Variants in EBF2 observed in about 807,000 individuals in gnomAD.
EBF2 encodes the protein transcription factor COE2.
A neutral mutation model predicts 72.8 loss-of-function variants in EBF2; 21 were observed. The observed-to-expected ratio is 0.29, with a 90% CI of 0.20 to 0.42. The LOEUF is 0.42. EBF2 is among the 10% of genes least tolerant of loss of function. The pLI is 1.00. For synonymous variants in EBF2, 299 were observed against 274.2 expected, an observed-to-expected ratio of 1.09 and a Z score of -0.89; for missense variants, 637 against 731.2, an observed-to-expected ratio of 0.87 and a Z score of 1.49.
In EBF2 at chr8:26,042,095, T is replaced by C. The variant is rs751091356; in HGVS notation, c.288A>G (p.Lys96=). The change falls in exon 2 of 16, where the codon AAA becomes AAG. Residue 96 remains lysine, a splice_region_variant and synonymous_variant. Coordinates refer to ENST00000520164, the MANE Select transcript of EBF2 (RefSeq NM_022659.4). ...TAFVDFVEND[K]EQGNEKTNNG... ...GGTTTGGGGGGTACTTTCCGCTTAC[T>C]TTGTCATTCTCCACAAAGTCCACGA... The C allele has an allele frequency of 6.2e-7, 1 of 1,613,442 alleles. No homozygotes were observed. Among genetic ancestry groups the C allele is most frequent in the Non-Finnish European group, 8.5e-7 (1 of 1,179,458 alleles).
chr8:26,029,825 G>A (rs1483293301), intron 6 of EBF2, among the ~76,000 whole-genome samples: 2 of 152,206 alleles, frequency 1.3e-5, no homozygotes, highest in Non-Finnish European at 2.9e-5. Flanking sequence ...GATGGACGCA[G>A]AGACCAGACG....
At position 26,036,089 on chromosome 8, in the gene EBF2, C is replaced by T. The variant is rs1199651328; in HGVS notation, c.483-2936G>A. 3.9e-5 allele frequency among the ~76,000 whole-genome samples: 6 copies of T among 152,262 alleles called. No homozygotes were observed. In the East Asian group the frequency reaches 5.8e-4, roughly 15 times the overall value. On this transcript the variant is annotated intron_variant, in intron 5 of 15. Coordinates refer to ENST00000520164, the MANE Select transcript of EBF2 (RefSeq NM_022659.4). ...CTAACCCCAAATATGTGTGCAATGC[C>T]GGGTACAATTTAATTACAAGAGCAC... is the stretch of plus-strand genomic sequence containing the variant.
chr8:26,040,289 G>A (rs999672745), intron 4 of EBF2, among the ~76,000 whole-genome samples, 188 bp from the exon 5 acceptor site: 2 of 152,172 alleles, frequency 1.3e-5, no homozygotes, highest in African/African-American at 4.8e-5. Context: ...AGAGAAGTTT[G>A]CCCCAGTGAG....
chr8:25,862,225 A>G (rs1026139344), intron 11 of EBF2, among the ~76,000 whole-genome samples: 5 of 152,222 alleles, frequency 3.3e-5, no homozygotes, highest in African/African-American at 1.2e-4. Context: ...CAAATTCATA[A>G]AGTAATTTTC....
Position 25,978,851 on chromosome 8 carries a change from C to T in EBF2, c.551+54234G>A, listed in dbSNP as rs74998529. Among the ~76,000 whole-genome samples the T allele has an allele frequency of 6.1e-4, 93 of 152,266 alleles. 2 individuals are homozygous for T. In the East Asian group the frequency reaches 0.016, roughly 27 times the overall value. On this transcript the variant is annotated intron_variant, in intron 6 of 15. Transcript: ENST00000520164. ...TGCGGTAATGAAAGCTTGTAAAAGA[C>T]GATGCCAAAGACGTGCATTATGACA...
chr8:26,005,287 T>TTA (rs1563205570), intron 6 of EBF2, among the ~76,000 whole-genome samples: 1 of 8,182 alleles, frequency 1.2e-4, no homozygotes, highest in Admixed American at 3.2e-3. Flanking sequence ...AATTATATAA[T>TTA]TATATAATTA....
Position 26,034,702 on chromosome 8 carries a change from G to A in EBF2, c.483-1549C>T, listed in dbSNP as rs149015554. Among the ~76,000 whole-genome samples, 464 of 152,278 alleles carry A rather than the reference G, an allele frequency of 3.0e-3. 3 individuals carry two copies. The highest frequency in any genetic ancestry group is 0.01 in the African/African-American group (417 of 41,562). On this transcript the variant is annotated intron_variant, in intron 5 of 15. Transcript: ENST00000520164. Reference sequence around the variant, plus strand: ...CATGGTCCACTATCAACTATAGTTGGCTAAGGATGTAGCCTTGACATGGCT... The same window carrying A: ...CATGGTCCACTATCAACTATAGTTGACTAAGGATGTAGCCTTGACATGGCT...
rs554316410 is a variant in EBF2, at chr8:25,902,812, G to A, written c.633+5662C>T. 7.9e-5 allele frequency among the ~76,000 whole-genome samples: 12 copies of A among 152,320 alleles called. No individual in the cohort carries two copies. The South Asian group carries it at 1.9e-3, about 24-fold the overall frequency. ...ACATTCAGCTGTAGCCTTAAAGCAT[G>A]AAAAGGAGTCACAAGTTGGAGAGGG... On this transcript the variant is annotated intron_variant, in intron 7 of 15. Transcript: ENST00000520164.
chr8:25,937,121 A>C (rs1803592774), intron 6 of EBF2, among the ~76,000 whole-genome samples: 1 of 152,214 alleles, frequency 6.6e-6, no homozygotes, highest in Non-Finnish European at 1.5e-5. Context: ...AGATGTCAGA[A>C]GGTATAAGAA....
At chr8:25,959,792 G>C (rs907812898) in intron 6 of EBF2, among the ~76,000 whole-genome samples, 5 of 151,580 alleles carry the variant, frequency 3.3e-5, no homozygotes, top group African/African-American at 1.2e-4. Flanking sequence ...TGCAAAACAT[G>C]GCATCCAAAA....
intron 6 of EBF2, among the ~76,000 whole-genome samples, chr8:25,985,189 G>C (rs538256283): frequency 2.1e-4 from 32 of 152,284 alleles, no homozygotes; most frequent in African/African-American, 7.5e-4. Flanking sequence ...CATGCAGCTA[G>C]ACCTCCCCTC....
chr8:25,903,317 A>T (rs1339853636), intron 7 of EBF2, among the ~76,000 whole-genome samples: 1 of 151,420 alleles, frequency 6.6e-6, no homozygotes, highest in Non-Finnish European at 1.5e-5. Flanking sequence ...TACAGGCATG[A>T]GCCACTGTGC....
chr8:25,894,715 G>A (rs1802838854), intron 7 of EBF2, among the ~76,000 whole-genome samples: 1 of 152,094 alleles, frequency 6.6e-6, no homozygotes, highest in African/African-American at 2.4e-5. Context: ...AACAAATCAA[G>A]GTCAACATTT....
intron 14 of EBF2, among the ~76,000 whole-genome samples, chr8:25,854,665 T>G (rs1802048834): frequency 6.6e-6 from 1 of 152,214 alleles, no homozygotes; most frequent in African/African-American, 2.4e-5. Context: ...ATAGGCTTTT[T>G]TTTTCTTTTC....
intron 6 of EBF2, among the ~76,000 whole-genome samples, chr8:26,023,365 C>T (rs940501399): frequency 7.2e-5 from 11 of 152,190 alleles, no homozygotes; most frequent in Non-Finnish European, 1.6e-4. Context: ...CTTGACCCAT[C>T]CACTTCCTAG....
intron 2 of EBF2, among the ~76,000 whole-genome samples, chr8:26,041,863 T>C (rs1805606075): frequency 6.6e-6 from 1 of 152,244 alleles, no homozygotes; most frequent in Admixed American, 6.5e-5. Context: ...TACTAAGGCC[T>C]CCAGGCTCGG....
intron 6 of EBF2, among the ~76,000 whole-genome samples, chr8:25,938,619 T>G (rs908601219): frequency 4.0e-4 from 61 of 152,174 alleles, no homozygotes; most frequent in African/African-American, 1.4e-3. Context: ...CTTCATGCTT[T>G]CATAAGGATG....
intron 6 of EBF2, among the ~76,000 whole-genome samples, chr8:25,978,815 G>A (rs1426873564): frequency 6.6e-6 from 1 of 152,206 alleles, no homozygotes; most frequent in Non-Finnish European, 1.5e-5. Flanking sequence ...GTGCACAGTG[G>A]ACACAATCCA....
intron 6 of EBF2, among the ~76,000 whole-genome samples, chr8:26,023,355 C>T (rs1805234391): frequency 6.6e-6 from 1 of 152,162 alleles, no homozygotes; most frequent in African/African-American, 2.4e-5. Context: ...TCTTCTGCTC[C>T]TTGACCCATC....
Sources: allele counts gnomAD v4.1 joint callset (sites outside exome capture counted in the v4.1 genomes callset), GRCh38; gene constraint gnomAD v4.1.1; transcripts MANE v1.5; gene names NCBI Gene and HGNC (gene_info 2026-07-23, HGNC 2026-07-21).